Variants in GCNT2 observed in about 807,000 individuals in gnomAD.
The protein encoded by GCNT2 is N-acetyllactosaminide beta-1,6-N-acetylglucosaminyl-transferase.
A neutral mutation model predicts 34.2 loss-of-function variants in GCNT2; 34 were observed. The ratio of observed to expected loss-of-function variants is 1.00; its 90% confidence interval spans 0.76 to 1.32. GCNT2 has a LOEUF of 1.32. Ranked by LOEUF, GCNT2 falls within the 40% of genes most tolerant of loss-of-function variation. GCNT2 has a pLI of 0.00. For missense variants in GCNT2, 584 were observed against 489.4 expected (o/e 1.19, Z -1.82); for synonymous variants, 212 against 188.0 (o/e 1.13, Z -1.04).
At chr6:10,578,391 TAAA>T (rs55708119) in intron 3 of GCNT2, among the ~76,000 whole-genome samples, 16 of 87,060 alleles carry the variant, frequency 1.8e-4, no homozygotes, top group East Asian at 3.7e-4. Flanking sequence ...TGTCTAAAAG[TAAA>T]AAAAAAAAAA....
At chr6:10,537,363 C>T (rs952995804) in intron 3 of GCNT2, among the ~76,000 whole-genome samples, 8 of 152,130 alleles carry the variant, frequency 5.3e-5, no homozygotes, top group Non-Finnish European at 1.2e-4. Context: ...AGCGGGGTTA[C>T]ATCCCAAGAA....
At chr6:10,561,806 G>A (rs1028253924) in intron 3 of GCNT2, among the ~76,000 whole-genome samples, 9 of 146,796 alleles carry the variant, frequency 6.1e-5, no homozygotes, top group African/African-American at 2.3e-4. Context: ...TTTCCATTTT[G>A]TATACGTTTT....
rs571652166 is a variant in GCNT2, at chr6:10,561,009, C to T, written c.925+31173C>T. 1.1e-4 allele frequency among the ~76,000 whole-genome samples: 16 copies of T among 152,310 alleles called. No individual in the cohort carries two copies. In the South Asian group the frequency reaches 3.3e-3, roughly 32 times the overall value. Reference sequence around the variant, plus strand: ...CAGGACCACAGATTTCTCTGACCCACGTTACAGAGCATCAGGCTGTGACAG... The same window carrying T: ...CAGGACCACAGATTTCTCTGACCCATGTTACAGAGCATCAGGCTGTGACAG... On this transcript the variant is annotated intron_variant, in intron 3 of 4. Transcript: ENST00000495262.
rs1402876394 is a variant in GCNT2 at position 10,566,782 on chromosome 6, CAT to C, written c.925+36947_925+36948del. The stretch of plus-strand genomic sequence containing the variant: ...ACAGACTTAATTAAATGCATGCACA[CAT>C]GTACGCTTGTGCACGCACACGTTTT... On this transcript the variant is annotated intron_variant, in intron 3 of 4. Transcript: ENST00000495262. Among the ~76,000 whole-genome samples, 65 of 152,346 alleles carry C rather than the reference CAT, an allele frequency of 4.3e-4. 1 individual carries two copies. Among genetic ancestry groups the C allele is most frequent in the Non-Finnish European group, 1.3e-4 (9 of 68,030 alleles).
chr6:10,536,034 C>T (rs1761735603), intron 3 of GCNT2, among the ~76,000 whole-genome samples: 1 of 152,012 alleles, frequency 6.6e-6, no homozygotes, highest in Non-Finnish European at 1.5e-5. Context: ...TGATATATCC[C>T]GTTAGTTCCT....
chr6:10,621,621 C>T, intron 4 of GCNT2, 178 bp downstream of exon 4: 1 of 638,806 alleles, frequency 1.6e-6, no homozygotes, highest in Non-Finnish European at 2.9e-6. Context: ...TTAAACATCT[C>T]ATTGATGTTC....
At position 10,529,065 on chromosome 6, in the gene GCNT2, A is replaced by G. The variant is rs749240759; in HGVS notation, c.154A>G (p.Ile52Val). Residue 52 changes from isoleucine to valine, a missense_variant, in exon 3 of 5, where the codon ATT becomes GTT. By Grantham distance (29) the Ile-to-Val change is conservative. Coordinates refer to ENST00000495262, the MANE Select transcript of GCNT2 (RefSeq NM_145649.5). ...ASLLAEACHQIFEGKVFYPTE... is the reference protein window; with the variant it reads ...ASLLAEACHQVFEGKVFYPTE... The stretch of plus-strand genomic sequence containing the variant: ...ACTGTTAGCAGAAGCCTGTCATCAG[A>G]TTTTTGAGGGGAAAGTTTTTTACCC... The G allele has an allele frequency of 1.2e-6, 2 of 1,614,156 alleles. No individual in the cohort carries two copies. The highest frequency in any genetic ancestry group is 2.2e-5 in the South Asian group (2 of 91,084).
At chr6:10,625,111 C>T (rs993439692) in intron 4 of GCNT2, among the ~76,000 whole-genome samples, 4 of 152,108 alleles carry the variant, frequency 2.6e-5, no homozygotes, top group African/African-American at 9.7e-5. Context: ...TCTTCCCAGC[C>T]CACTGAATTA....
intron 3 of GCNT2, among the ~76,000 whole-genome samples, chr6:10,539,213 G>C (rs1031775845): frequency 3.6e-4 from 16 of 44,736 alleles, no homozygotes; most frequent in African/African-American, 8.7e-4. Flanking sequence ...TTTTGAGGCA[G>C]AGTTTCACCC....
At chr6:10,626,332 G>A (rs1766252365) in intron 4 of GCNT2, 85 bp from the exon 5 acceptor site, 10 of 961,208 alleles carry the variant, frequency 1.0e-5, no homozygotes, top group Non-Finnish European at 1.5e-5. Context: ...TAGTTAGTCG[G>A]AGAGTACCTC....
chr6:10,528,900 T>C lies in GCNT2; in HGVS notation c.-12T>C. 3 of 1,595,388 alleles carry C rather than the reference T, an allele frequency of 1.9e-6. No individual in the cohort carries two copies. Among genetic ancestry groups the C allele is most frequent in the Non-Finnish European group, 2.6e-6 (3 of 1,163,154 alleles). On this transcript the variant is annotated 5_prime_UTR_variant, in exon 3 of 5. Coordinates refer to ENST00000495262, the MANE Select transcript of GCNT2 (RefSeq NM_145649.5). ...TCAAGAGAGAGATATTTTACTCATT[T>C]CCTGGTTGTGAATGATGGGCTCTTG...
At chr6:10,568,547 A>G (rs759770719) in intron 3 of GCNT2, among the ~76,000 whole-genome samples, 1 of 152,136 alleles carries the variant, frequency 6.6e-6, no homozygotes, top group East Asian at 1.9e-4. Context: ...CACTCTTAAC[A>G]TATTTTGCTT....
At chr6:10,575,907 A>C (rs940817135) in intron 3 of GCNT2, among the ~76,000 whole-genome samples, 8 of 150,652 alleles carry the variant, frequency 5.3e-5, no homozygotes, top group Admixed American at 3.3e-4. Flanking sequence ...ATTTTCCTTT[A>C]CCTACCCAAA....
intron 3 of GCNT2, among the ~76,000 whole-genome samples, chr6:10,554,904 A>C (rs1163285663): frequency 1.3e-5 from 2 of 152,166 alleles, no homozygotes; most frequent in Non-Finnish European, 2.9e-5. Context: ...TAAACAATGA[A>C]AGTTAGAAGA....
intron 3 of GCNT2, among the ~76,000 whole-genome samples, chr6:10,600,848 T>C (rs1382183527): frequency 6.6e-6 from 1 of 152,112 alleles, no homozygotes; most frequent in Non-Finnish European, 1.5e-5. Flanking sequence ...CTTATTGCAG[T>C]GGTGCAATCT....
intron 3 of GCNT2, among the ~76,000 whole-genome samples, chr6:10,561,283 C>T (rs2113684199): frequency 6.6e-6 from 1 of 152,340 alleles, no homozygotes; most frequent in East Asian, 1.9e-4. Context: ...CTGCCTCAGC[C>T]TCCCAAGTAG....
In GCNT2 at chr6:10,529,341, C is replaced by T; in HGVS notation, c.430C>T (p.Leu144Phe). 3 of 1,613,984 alleles carry T rather than the reference C, an allele frequency of 1.9e-6. No individual in the cohort carries two copies. Among genetic ancestry groups the T allele is most frequent in the Non-Finnish European group, 2.5e-6 (3 of 1,180,004 alleles). The change falls in exon 3 of 5, where the codon CTC becomes TTC. Residue 144 changes from leucine (L) to phenylalanine (F), a missense_variant. Physicochemically the swap from Leu to Phe is conservative, Grantham distance 22. Coordinates refer to ENST00000495262, the MANE Select transcript of GCNT2 (RefSeq NM_145649.5). ...CTTTAAAGGTGCAGTGAAACAGTTA[C>T]TCAGCTGCTTCCCAAATGCTTTTCT... ...DAFKGAVKQLLSCFPNAFLAS... is the reference protein window; with the variant it reads ...DAFKGAVKQLFSCFPNAFLAS...
At chr6:10,621,907 T>C (rs1332978092) in intron 4 of GCNT2, among the ~76,000 whole-genome samples, 2 of 152,100 alleles carry the variant, frequency 1.3e-5, no homozygotes, top group Non-Finnish European at 2.9e-5. Context: ...CTTTCTTGTT[T>C]ATTCCTCTTG....
At chr6:10,611,133 C>T (rs1283842433) in intron 3 of GCNT2, among the ~76,000 whole-genome samples, 1 of 151,508 alleles carries the variant, frequency 6.6e-6, no homozygotes, top group Non-Finnish European at 1.5e-5. Context: ...GCCTGTAATC[C>T]CAGCACTTTG....
Sources: allele counts gnomAD v4.1 joint callset (sites outside exome capture counted in the v4.1 genomes callset), GRCh38; gene constraint gnomAD v4.1.1; transcripts MANE v1.5; gene names NCBI Gene and HGNC (gene_info 2026-07-23, HGNC 2026-07-21).